Variants in ACOX2 observed in about 807,000 individuals in gnomAD.
ACOX2 encodes peroxisomal acyl-coenzyme A oxidase 2.
Under a neutral mutation model 77.5 loss-of-function variants are expected in ACOX2, and 59 were observed. That is an observed-to-expected ratio of 0.76 (90% CI 0.62 to 0.95). The LOEUF is 0.95. Ranked by LOEUF, ACOX2 falls within the 40% of genes least tolerant of loss-of-function variation. The pLI is 0.00. For synonymous variants in ACOX2, 317 were observed against 340.1 expected, an observed-to-expected ratio of 0.93 and a Z score of 0.75; for missense variants, 837 against 880.4, an observed-to-expected ratio of 0.95 and a Z score of 0.62.
intron 7 of ACOX2, 57 bp from the exon 8 acceptor site, chr3:58,530,695 G>A (rs1453999377): frequency 1.7e-5 from 27 of 1,548,166 alleles, no homozygotes; most frequent in Admixed American, 1.3e-4. Context: ...GGATGCCCTC[G>A]CTTCTCCAGA....
intron 13 of ACOX2, among the ~76,000 whole-genome samples, chr3:58,513,241 T>C (rs937980909): frequency 2.6e-5 from 4 of 152,184 alleles, no homozygotes; most frequent in African/African-American, 9.7e-5. Context: ...TGTGCCTGTC[T>C]CCTCTCCTCT....
At position 58,526,316 on chromosome 3, in the gene ACOX2, G is replaced by A; in HGVS notation, c.1346+150C>T. The A allele has an allele frequency of 1.2e-6, 1 of 859,408 alleles. No individual in the cohort carries two copies. Among genetic ancestry groups the A allele is most frequent in the Non-Finnish European group, 1.8e-6 (1 of 563,722 alleles). 53.2% of individuals were successfully genotyped at this position (859,408 alleles called of 1,614,324 possible). On this transcript the variant is annotated intron_variant, in intron 10 of 14. Transcript: ENST00000302819. The surrounding 1 kb of genome is among the most constrained non-coding windows in gnomAD (Gnocchi z 4.3). ...GAGGATGGTGGCCTAGAAGTGGATA[G>A]GTTAGTCATACTGGGGAATTGGACA...
chr3:58,510,453 C>T (rs1053966727), intron 13 of ACOX2, among the ~76,000 whole-genome samples: 3 of 150,496 alleles, frequency 2.0e-5, no homozygotes, highest in South Asian at 2.1e-4. Flanking sequence ...GCCAACATGG[C>T]GGAACCCTGT....
Position 58,531,813 on chromosome 3 carries a change from C to A in ACOX2, c.584-1G>T. ...AGGGCATGGGTGGCTGACCGTCCCA[C>A]TGAGGGCAGAGAGAGTAGCGGCCCG... On this transcript the variant is annotated splice_acceptor_variant, in intron 5 of 14. Transcript: ENST00000302819. LOFTEE classifies it high-confidence loss of function. This position sits in a 1 kb window ranked among gnomAD's most constrained non-coding sequence, Gnocchi z 5.8. The A allele has an allele frequency of 6.2e-7, 1 of 1,613,162 alleles. No homozygotes were observed. Among genetic ancestry groups the A allele is most frequent in the Non-Finnish European group, 8.5e-7 (1 of 1,179,698 alleles).
chr3:58,526,795 A>C lies in ACOX2; in HGVS notation c.1156-139T>G. On this transcript the variant is annotated intron_variant, in intron 9 of 14. Transcript: ENST00000302819. This position sits in a 1 kb window ranked among gnomAD's most constrained non-coding sequence, Gnocchi z 4.3. ...AAGTGTTTCCTCTGCTCACAACTTT[A>C]TGAATGAGAAGGCGGGTACTCAGCT... 1.1e-6 allele frequency: 1 copy of C among 906,504 alleles called. No individual in the cohort carries two copies. Among genetic ancestry groups the C allele is most frequent in the Non-Finnish European group, 1.6e-6 (1 of 612,348 alleles). 56.2% of individuals were successfully genotyped at this position (906,504 alleles called of 1,614,324 possible). A position where few individuals can be genotyped will look rare whatever the true frequency, so the allele number is the denominator to read the frequency against.
intron 13 of ACOX2, among the ~76,000 whole-genome samples, chr3:58,516,203 T>A (rs542469687): frequency 1.8e-4 from 28 of 152,270 alleles, no homozygotes; most frequent in South Asian, 4.1e-4. Context: ...TTAAAAAAAA[T>A]TTTTCATCTT....
chr3:58,535,278 TG>T lies in ACOX2; in HGVS notation c.-91-82del. 1.4e-6 allele frequency: 1 copy of T among 725,056 alleles called. No homozygotes were observed. Among genetic ancestry groups the T allele is most frequent in the South Asian group, 1.8e-5 (1 of 56,526 alleles). 44.9% of individuals were successfully genotyped at this position (725,056 alleles called of 1,614,324 possible). On this transcript the variant is annotated intron_variant, in intron 1 of 14. Transcript: ENST00000302819. The surrounding 1 kb of genome is among the most constrained non-coding windows in gnomAD (Gnocchi z 4.8). ...AGAAAGACATCCCTAAGTACCTGAA[TG>T]CCACTCCACCTCCCCACTCCCCCTG...
intron 13 of ACOX2, among the ~76,000 whole-genome samples, chr3:58,509,459 G>A (rs943839655): frequency 1.3e-5 from 2 of 151,672 alleles, no homozygotes; most frequent in Non-Finnish European, 2.9e-5. Flanking sequence ...CCTAGGAGGC[G>A]GAGGTTGCAG....
rs2063343638 is a variant in ACOX2, at chr3:58,519,393, A to G, written c.1633-1970T>C. 6.6e-6 allele frequency among the ~76,000 whole-genome samples: 1 copy of G among 151,656 alleles called. No homozygotes were observed. Among genetic ancestry groups the G allele is most frequent in the Non-Finnish European group, 1.5e-5 (1 of 67,910 alleles). ...AGTGAGACTCTATCATAGAAAAAAAAAGAGTGCCTTGGGGGTTCAAAGGAG... is the reference window on the plus strand; with the variant it reads ...AGTGAGACTCTATCATAGAAAAAAAGAGAGTGCCTTGGGGGTTCAAAGGAG... On this transcript the variant is annotated intron_variant, in intron 12 of 14. Coordinates refer to ENST00000302819, the MANE Select transcript of ACOX2 (RefSeq NM_003500.4). This position sits in a 1 kb window ranked among gnomAD's most constrained non-coding sequence, Gnocchi z 5.0.
At chr3:58,520,794 C>T (rs1283128030) in intron 12 of ACOX2, among the ~76,000 whole-genome samples, 3 of 152,174 alleles carry the variant, frequency 2.0e-5, no homozygotes, top group African/African-American at 7.2e-5. Context: ...GTTCTTCCCC[C>T]GCAGGCTGGC....
chr3:58,535,293 C>A lies in ACOX2; in HGVS notation c.-91-96G>T. 1.5e-6 allele frequency: 1 copy of A among 655,516 alleles called. No individual in the cohort carries two copies. Among genetic ancestry groups the A allele is most frequent in the African/African-American group, 1.8e-5 (1 of 55,564 alleles). 40.6% of individuals were successfully genotyped at this position (655,516 alleles called of 1,614,324 possible). On this transcript the variant is annotated intron_variant, in intron 1 of 14. Coordinates refer to ENST00000302819, the MANE Select transcript of ACOX2 (RefSeq NM_003500.4). The surrounding 1 kb of genome is among the most constrained non-coding windows in gnomAD (Gnocchi z 4.8). The stretch of plus-strand genomic sequence containing the variant: ...AGTACCTGAATGCCACTCCACCTCC[C>A]CACTCCCCCTGTGGACACTGGCTGT...
chr3:58,511,378 C>T, intron 13 of ACOX2: 1 of 323,440 alleles, frequency 3.1e-6, no homozygotes, highest in South Asian at 3.1e-5. Flanking sequence ...GGACGCAAAG[C>T]CATTATCATG....
chr3:58,509,610 G>GTTTTT (rs148187288), intron 13 of ACOX2, among the ~76,000 whole-genome samples: 5 of 113,232 alleles, frequency 4.4e-5, no homozygotes, highest in Non-Finnish European at 7.0e-5. Flanking sequence ...ATTTCAATCT[G>GTTTTT]TTTTTTTTTT....
Position 58,526,635 on chromosome 3 carries a change from T to G in ACOX2, c.1177A>C (p.Met393Leu). ...CAGAATTCTGACATCATGGCCTTCATGCCCGTGCTCAGTGCGTGGAGCTGT... is the reference window on the plus strand; with the variant it reads ...CAGAATTCTGACATCATGGCCTTCAGGCCCGTGCTCAGTGCGTGGAGCTGT... The part of the protein sequence containing the change: ...LPELHALSTG[M>L]KAMMSEFCTQ... Residue 393 changes from methionine to leucine, a missense_variant, in exon 10 of 15, where the codon ATG (methionine) becomes CTG (leucine). By Grantham distance (15) the Met-to-Leu change is conservative. Transcript: ENST00000302819. The surrounding 1 kb of genome is among the most constrained non-coding windows in gnomAD (Gnocchi z 4.3). The G allele has an allele frequency of 6.2e-7, 1 of 1,614,116 alleles. No homozygotes were observed. The highest frequency in any genetic ancestry group is 8.5e-7 in the Non-Finnish European group (1 of 1,180,014).
chr3:58,531,439 A>G lies in ACOX2; in HGVS notation c.704-73T>C, dbSNP rs1402259116. 2 of 1,402,994 alleles carry G rather than the reference A, an allele frequency of 1.4e-6. No homozygotes were observed. The highest frequency in any genetic ancestry group is 3.6e-5 in the Admixed American group (2 of 55,392). The allele number at this position is 1,402,994 out of a possible 1,614,324, so 86.9% of individuals were successfully genotyped here. A position where few individuals can be genotyped will look rare whatever the true frequency, so the allele number is the denominator to read the frequency against. On this transcript the variant is annotated intron_variant, in intron 6 of 14. Coordinates refer to ENST00000302819, the MANE Select transcript of ACOX2 (RefSeq NM_003500.4). The surrounding 1 kb of genome is among the most constrained non-coding windows in gnomAD (Gnocchi z 5.8). ...GCTATGTGGCAGGTATCATACACACATTCCAGGTCACAGCAGCCTGTGACA... is the reference window on the plus strand; with the variant it reads ...GCTATGTGGCAGGTATCATACACACGTTCCAGGTCACAGCAGCCTGTGACA...
rs546822403 is a variant in ACOX2, at chr3:58,527,119, G to A, written c.1156-463C>T. 2.0e-5 allele frequency among the ~76,000 whole-genome samples: 3 copies of A among 152,226 alleles called. 1 individual carries two copies. Among genetic ancestry groups the A allele is most frequent in the African/African-American group, 7.2e-5 (3 of 41,518 alleles). On this transcript the variant is annotated intron_variant, in intron 9 of 14. Coordinates refer to ENST00000302819, the MANE Select transcript of ACOX2 (RefSeq NM_003500.4). ...CCCTCAAGGGTTAGGGCTAGGATTA[G>A]GAGGTATTGATGATTAGGACTAGGA...
Position 58,534,436 on chromosome 3 carries a change from T to G in ACOX2, c.247A>C (p.Arg83=). The change falls in exon 3 of 15, where the codon AGG becomes CGG. Residue 83 remains arginine (R), a synonymous_variant. Coordinates refer to ENST00000302819, the MANE Select transcript of ACOX2 (RefSeq NM_003500.4). This position sits in a 1 kb window ranked among gnomAD's most constrained non-coding sequence, Gnocchi z 4.8. ...GCTATCAACCGGATGTGGAATGCCC[T>G]CCGCATGGCAGCCTTATAACGCTCA... ...QNERYKAAMR[R]AFHIRLIARR... is the part of the protein sequence containing the mutation. The G allele has an allele frequency of 6.2e-7, 1 of 1,614,162 alleles. No homozygotes were observed. Among genetic ancestry groups the G allele is most frequent in the East Asian group, 2.2e-5 (1 of 44,878 alleles).
rs1164731127 is a variant in ACOX2 at position 58,519,683 on chromosome 3, C to G, written c.1633-2260G>C. Among the ~76,000 whole-genome samples the G allele has an allele frequency of 6.6e-6, 1 of 152,174 alleles. No individual in the cohort carries two copies. Among genetic ancestry groups the G allele is most frequent in the Admixed American group, 6.5e-5 (1 of 15,276 alleles). On this transcript the variant is annotated intron_variant, in intron 12 of 14. Coordinates refer to ENST00000302819, the MANE Select transcript of ACOX2 (RefSeq NM_003500.4). This position sits in a 1 kb window ranked among gnomAD's most constrained non-coding sequence, Gnocchi z 5.0. ...TGGGCAGTGACCCGATCCGCTTTCT[C>G]ACTTGGAAAGAACTTGTGTTTCCTA...
In ACOX2 at chr3:58,521,910, T is replaced by C. The variant is rs76361678; in HGVS notation, c.1632+586A>G. ...GCTGCCACCCCACCCTTTAGCTGGC[T>C]AATTTCAGCTTATCCTTGAAGTCTT... On this transcript the variant is annotated intron_variant, in intron 12 of 14. Transcript: ENST00000302819. The surrounding 1 kb of genome is among the most constrained non-coding windows in gnomAD (Gnocchi z 4.8). Among the ~76,000 whole-genome samples, 7,672 of 152,324 alleles carry C rather than the reference T, an allele frequency of 0.05. 360 individuals carry two copies. Among genetic ancestry groups the C allele is most frequent in the African/African-American group, 0.13 (5,309 of 41,560 alleles).
Sources: gnomAD v4.1 joint callset for allele counts (sites outside exome capture counted in the v4.1 genomes callset) on GRCh38, gnomAD v4.1.1 for gene constraint, Gnocchi (gnomAD v3.1) non-coding constraint, MANE v1.5 for transcripts, NCBI Gene and HGNC (gene_info 2026-07-23, HGNC 2026-07-21) for gene names.